The following ITGA8 variants were observed in gnomAD, a reference collection of about 807,000 sequenced individuals.
The protein encoded by ITGA8 is integrin alpha-8.
In ITGA8, 91 loss-of-function variants were observed where a neutral mutation model predicts 142.3. That is an observed-to-expected ratio of 0.64 (90% confidence interval 0.54 to 0.76). ITGA8 has a LOEUF of 0.76. Ranked by LOEUF, ITGA8 falls within the 30% of genes least tolerant of loss-of-function variation. ITGA8 has a pLI of 0.00. For missense variants in ITGA8, 1,406 were observed against 1,327.7 expected, an observed-to-expected ratio of 1.06 and a Z score of -0.92; for synonymous variants, 505 against 485.2, an observed-to-expected ratio of 1.04 and a Z score of -0.54.
chr10:15,615,415 A>G (rs1161669765), intron 14 of ITGA8, among the ~76,000 whole-genome samples: 1 of 152,224 alleles, frequency 6.6e-6, no homozygotes, highest in African/African-American at 2.4e-5. Flanking sequence ...GAAGCCGATT[A>G]GGTTAGCACT....
At chr10:15,583,777 T>A (rs2131589994) in intron 23 of ITGA8, among the ~76,000 whole-genome samples, 1 of 152,298 alleles carries the variant, frequency 6.6e-6, no homozygotes, top group Admixed American at 6.5e-5. Context: ...TATTGTATGT[T>A]CTTTTGATGT....
intron 10 of ITGA8, 138 bp downstream of exon 10, chr10:15,658,861 C>G (rs1834234751): frequency 1.6e-6 from 1 of 612,830 alleles, no homozygotes; most frequent in Admixed American, 3.7e-5. Context: ...TGATTGCATC[C>G]CCGGTGCCTA....
intron 13 of ITGA8, among the ~76,000 whole-genome samples, chr10:15,633,172 T>C (rs1402680930): frequency 2.0e-5 from 3 of 152,224 alleles, no homozygotes; most frequent in Admixed American, 2.0e-4. Context: ...CTGTCCCCAG[T>C]CCACCTTTCA....
intron 13 of ITGA8, among the ~76,000 whole-genome samples, chr10:15,636,255 C>T (rs944557207): frequency 9.2e-5 from 14 of 152,170 alleles, no homozygotes; most frequent in East Asian, 3.9e-4. Flanking sequence ...CTGACTATCA[C>T]GGCTGTTTCT....
intron 20 of ITGA8, among the ~76,000 whole-genome samples, chr10:15,603,892 A>C (rs1221894996): frequency 6.6e-6 from 1 of 152,192 alleles, no homozygotes; most frequent in Non-Finnish European, 1.5e-5. Flanking sequence ...GTCAGTGAAG[A>C]CAGGGAGTTA....
intron 2 of ITGA8, among the ~76,000 whole-genome samples, chr10:15,705,454 G>A (rs1356515004): frequency 3.3e-5 from 5 of 152,130 alleles, no homozygotes; most frequent in Non-Finnish European, 5.9e-5. Flanking sequence ...GATGAAATGC[G>A]TTTCTGCTGC....
At position 15,674,142 on chromosome 10, in the gene ITGA8, C is replaced by G. The variant is rs1240902625; in HGVS notation, c.677-1393G>C. On this transcript the variant is annotated intron_variant, in intron 6 of 29. Coordinates refer to ENST00000378076, the MANE Select transcript of ITGA8 (RefSeq NM_003638.3). Reference sequence around the variant, plus strand: ...CATAAATATTGCCAAGTGACTGGGACTTGAAATGACTATTCTGATATTAAG... The same window carrying G: ...CATAAATATTGCCAAGTGACTGGGAGTTGAAATGACTATTCTGATATTAAG... Among the ~76,000 whole-genome samples, 5 of 152,108 alleles carry G rather than the reference C, an allele frequency of 3.3e-5. No homozygotes were observed. The East Asian group carries it at 9.6e-4, about 29-fold the overall frequency.
chr10:15,571,159 G>C (rs1184504770), intron 25 of ITGA8, among the ~76,000 whole-genome samples: 2 of 152,188 alleles, frequency 1.3e-5, no homozygotes, highest in Non-Finnish European at 2.9e-5. Flanking sequence ...TGTCTCATAA[G>C]TCCTTTACTA....
chr10:15,670,112 A>T (rs1184612675), intron 8 of ITGA8, among the ~76,000 whole-genome samples: 1 of 152,214 alleles, frequency 6.6e-6, no homozygotes, highest in African/African-American at 2.4e-5. Context: ...AGCTGTTCCT[A>T]TTCGGCCATC....
intron 26 of ITGA8, among the ~76,000 whole-genome samples, chr10:15,556,920 T>C (rs1001586379): frequency 2.0e-5 from 3 of 152,228 alleles, no homozygotes; most frequent in Admixed American, 6.5e-5. Context: ...CTGGAGAATG[T>C]GCATGCAGCT....
intron 13 of ITGA8, among the ~76,000 whole-genome samples, chr10:15,642,407 G>A (rs1833887383): frequency 6.6e-6 from 1 of 152,110 alleles, no homozygotes; most frequent in Non-Finnish European, 1.5e-5. Flanking sequence ...TACTAAGGGT[G>A]GGAAGGAGAC....
intron 2 of ITGA8, among the ~76,000 whole-genome samples, chr10:15,709,107 T>C (rs1835315699): frequency 6.6e-6 from 1 of 152,248 alleles, no homozygotes; most frequent in Non-Finnish European, 1.5e-5. Context: ...GAATTCTTAG[T>C]GCCTTTTCTA....
At chr10:15,584,749 T>A (rs1374846518) in intron 23 of ITGA8, among the ~76,000 whole-genome samples, 1 of 152,048 alleles carries the variant, frequency 6.6e-6, no homozygotes, top group Non-Finnish European at 1.5e-5. Flanking sequence ...GTAGAATAGA[T>A]AAATAAATTA....
intron 11 of ITGA8, among the ~76,000 whole-genome samples, chr10:15,650,258 C>G (rs1834061696): frequency 6.6e-6 from 1 of 152,198 alleles, no homozygotes; most frequent in Admixed American, 6.5e-5. Flanking sequence ...AAAAATCACA[C>G]ACCTGGGTTC....
intron 2 of ITGA8, among the ~76,000 whole-genome samples, chr10:15,694,377 T>TCATA (rs1166654384): frequency 8.2e-6 from 1 of 121,862 alleles, no homozygotes; most frequent in African/African-American, 3.2e-5. Flanking sequence ...ATATCATATA[T>TCATA]GATAATATAT....
rs139218863 is a variant in ITGA8 at position 15,677,616 on chromosome 10, C to T, written c.652G>A (p.Gly218Arg). 1.5e-5 allele frequency: 24 copies of T among 1,613,434 alleles called. No homozygotes were observed. The African/African-American group carries it at 3.2e-4, about 22-fold the overall frequency. The stretch of plus-strand genomic sequence containing the variant: ...CCTTGCCAGTAGAAACTCCCAGGTC[C>T]TCCCACAATAAGGTCTCCATTCTAC... ...FYKNGDLIVG[G>R]PGSFYWQGQV... The change falls in exon 6 of 30, where the codon GGA becomes AGA. Residue 218 changes from glycine (G) to arginine (R), a missense_variant. Physicochemically the swap from Gly to Arg is moderately radical, Grantham distance 125. Coordinates refer to ENST00000378076, the MANE Select transcript of ITGA8 (RefSeq NM_003638.3).
intron 2 of ITGA8, among the ~76,000 whole-genome samples, chr10:15,693,776 C>T (rs571215704): frequency 8.3e-4 from 127 of 152,204 alleles, no homozygotes; most frequent in South Asian, 2.5e-3. Flanking sequence ...CATAAAGTCA[C>T]GAAGGTTCCA....
intron 25 of ITGA8, among the ~76,000 whole-genome samples, 187 bp downstream of exon 25, chr10:15,572,024 A>T (rs957091381): frequency 6.6e-6 from 1 of 152,354 alleles, no homozygotes; most frequent in Middle Eastern, 3.4e-3. Flanking sequence ...AAAGAAATTT[A>T]AATTTGCTAG....
At chr10:15,528,391 G>A (rs1256217024) in intron 28 of ITGA8, among the ~76,000 whole-genome samples, 2 of 152,144 alleles carry the variant, frequency 1.3e-5, no homozygotes, top group Non-Finnish European at 2.9e-5. Context: ...GCACTGGCAA[G>A]GTCTTCTCCA....
Sources: gnomAD v4.1 joint callset for allele counts (sites outside exome capture counted in the v4.1 genomes callset) on GRCh38, gnomAD v4.1.1 for gene constraint, MANE v1.5 for transcripts, NCBI Gene and HGNC (gene_info 2026-07-23, HGNC 2026-07-21) for gene names.